HDAC9: variants seen among roughly 807,000 people sequenced by gnomAD.
HDAC9 encodes the protein histone deacetylase 9.
HDAC9 carries 41 observed loss-of-function variants against 139.4 expected under a neutral mutation model. The observed-to-expected ratio is 0.29, with a 90% CI of 0.23 to 0.38. The LOEUF is 0.38. HDAC9 is among the 10% of genes least tolerant of loss of function. HDAC9 has a pLI of 1.00. For missense variants in HDAC9, 1,147 were observed against 1,297.0 expected (o/e 0.88, Z 1.78); for synonymous variants, 517 against 476.2 (o/e 1.09, Z -1.12).
chr7:18,708,824 T>C (rs190436806), intron 12 of HDAC9, among the ~76,000 whole-genome samples: 146 of 152,218 alleles, frequency 9.6e-4, no homozygotes, highest in Admixed American at 2.8e-3. Context: ...ACACAGTTTC[T>C]TATCATATGT....
At chr7:18,859,811 CATATATATATATATATATATATAT>C (rs56249427) in intron 21 of HDAC9, among the ~76,000 whole-genome samples, 24 of 44,844 alleles carry the variant, frequency 5.4e-4, no homozygotes, top group Middle Eastern at 0.012. Flanking sequence ...CTAACGCTCT[CATATATATATATATATATATATAT>C]ATATATATAT....
At chr7:18,330,673 G>C (rs1800851888) in intron 1 of HDAC9, among the ~76,000 whole-genome samples, 2 of 150,840 alleles carry the variant, frequency 1.3e-5, no homozygotes, top group South Asian at 4.2e-4. Context: ...CTTTTGGTTT[G>C]TTACCTTATA....
At position 18,997,524 on chromosome 7, in the gene HDAC9, G is replaced by A. The variant is rs1786535778; in HGVS notation, c.*1462G>A. ...TTAATATCTGACAATGCTTTTGAAA[G>A]AGTTGATGTTTCTTTTTATATATTT... is the stretch of plus-strand genomic sequence containing the variant. On this transcript the variant is annotated 3_prime_UTR_variant, in exon 26 of 26. Transcript: ENST00000686413. 1 of 152,078 alleles carries A rather than the reference G, an allele frequency of 6.6e-6. No individual in the cohort carries two copies. The highest frequency in any genetic ancestry group is 2.1e-4 in the South Asian group (1 of 4,828). 9.4% of individuals were successfully genotyped at this position (152,078 alleles called of 1,614,324 possible).
At chr7:18,612,087 A>G (rs1450311318) in intron 6 of HDAC9, among the ~76,000 whole-genome samples, 2 of 152,094 alleles carry the variant, frequency 1.3e-5, no homozygotes, top group Non-Finnish European at 2.9e-5. Flanking sequence ...TAATTTGCTA[A>G]TCCTATAAAG....
chr7:18,231,853 C>CT (rs1437033678), intron 2 of HDAC9, among the ~76,000 whole-genome samples: 1 of 152,132 alleles, frequency 6.6e-6, no homozygotes, highest in African/African-American at 2.4e-5. Context: ...GTAATTTTCT[C>CT]TAAGTTTTTC....
rs144620928 is a variant in HDAC9, at chr7:18,660,518, A to G, written c.1468-5695A>G. 1.4e-3 allele frequency among the ~76,000 whole-genome samples: 220 copies of G among 152,302 alleles called. 1 individual carries two copies. The highest frequency in any genetic ancestry group is 5.0e-3 in the African/African-American group (208 of 41,580). Reference sequence around the variant, plus strand: ...GCTCCAATTAGGTGTTATGCAATGTATCAGGTACTAGGATATAAAATGATG... The same window carrying G: ...GCTCCAATTAGGTGTTATGCAATGTGTCAGGTACTAGGATATAAAATGATG... On this transcript the variant is annotated intron_variant, in intron 11 of 25. Coordinates refer to ENST00000686413, the MANE Select transcript of HDAC9 (RefSeq NM_178425.4).
intron 2 of HDAC9, among the ~76,000 whole-genome samples, chr7:18,205,757 C>T (rs1314288399): frequency 6.6e-6 from 1 of 151,976 alleles, no homozygotes; most frequent in Non-Finnish European, 1.5e-5. Context: ...ATGTTAAATA[C>T]TGGTTAGAAA....
At chr7:18,605,547 G>A (rs1399371717) in intron 6 of HDAC9, among the ~76,000 whole-genome samples, 5 of 151,918 alleles carry the variant, frequency 3.3e-5, no homozygotes, top group South Asian at 2.1e-4. Flanking sequence ...CCTCTCCCAC[G>A]CCTACTCCCT....
intron 2 of HDAC9, among the ~76,000 whole-genome samples, chr7:18,180,462 G>A (rs1362091763): frequency 6.6e-6 from 1 of 151,840 alleles, no homozygotes; most frequent in Non-Finnish European, 1.5e-5. Context: ...ATGAGTATGA[G>A]AGATTGATCA....
At position 18,762,338 on chromosome 7, in the gene HDAC9, C is replaced by G. The variant is rs553562933; in HGVS notation, c.2164+61C>G. 18 of 1,580,210 alleles carry G rather than the reference C, an allele frequency of 1.1e-5. No individual in the cohort carries two copies. In the South Asian group the frequency reaches 2.1e-4, roughly 18 times the overall value. On this transcript the variant is annotated intron_variant, in intron 15 of 25. Coordinates refer to ENST00000686413, the MANE Select transcript of HDAC9 (RefSeq NM_178425.4). Reference sequence around the variant, plus strand: ...ATTCCAGCACTATCATTAGTCAACGCTGGTGTCAGTTCAAAATACTTGGCA... The same window carrying G: ...ATTCCAGCACTATCATTAGTCAACGGTGGTGTCAGTTCAAAATACTTGGCA...
chr7:18,570,515 G>A (rs539980144), intron 2 of HDAC9, among the ~76,000 whole-genome samples: 3 of 152,266 alleles, frequency 2.0e-5, no homozygotes, highest in African/African-American at 7.2e-5. Flanking sequence ...GCATACTCCA[G>A]AATGAAATGT....
intron 2 of HDAC9, among the ~76,000 whole-genome samples, chr7:18,183,022 T>A (rs1054009956): frequency 6.6e-6 from 1 of 151,548 alleles, no homozygotes; most frequent in Admixed American, 6.6e-5. Context: ...TTTTTTTTTT[T>A]TTTTTGAGAC....
intron 14 of HDAC9, among the ~76,000 whole-genome samples, chr7:18,757,567 T>A (rs212672): frequency 0.38 from 57,518 of 152,024 alleles, 13,248 homozygotes; most frequent in East Asian, 0.66. Flanking sequence ...TCATGATTTT[T>A]TGCCCTTTAT....
intron 21 of HDAC9, among the ~76,000 whole-genome samples, chr7:18,851,017 G>T (rs1465534878): frequency 6.6e-6 from 1 of 152,126 alleles, no homozygotes; most frequent in African/African-American, 2.4e-5. Flanking sequence ...GAATTTATAG[G>T]GGACACATTT....
At chr7:18,270,171 C>G (rs1357124696) in intron 2 of HDAC9, among the ~76,000 whole-genome samples, 1 of 152,018 alleles carries the variant, frequency 6.6e-6, no homozygotes, top group Non-Finnish European at 1.5e-5. Flanking sequence ...TTGTTGAAAT[C>G]CACTGTAATA....
intron 14 of HDAC9, among the ~76,000 whole-genome samples, chr7:18,753,264 T>C (rs1442550785): frequency 2.6e-5 from 4 of 152,106 alleles, no homozygotes; most frequent in Admixed American, 2.0e-4. Context: ...AAGACTCTTA[T>C]TGATTGTGCT....
intron 6 of HDAC9, among the ~76,000 whole-genome samples, chr7:18,604,170 G>T (rs1426008574): frequency 6.6e-6 from 1 of 151,578 alleles, no homozygotes; most frequent in Non-Finnish European, 1.5e-5. Flanking sequence ...CATTAATTTT[G>T]GATAATTCCC....
chr7:18,158,887 CT>C (rs1157604562), intron 1 of HDAC9, among the ~76,000 whole-genome samples: 4 of 152,186 alleles, frequency 2.6e-5, no homozygotes, highest in African/African-American at 9.7e-5. Flanking sequence ...ATGTCACTGT[CT>C]TGAGTTGTTG....
intron 2 of HDAC9, among the ~76,000 whole-genome samples, chr7:18,247,339 C>G: frequency 6.6e-6 from 1 of 151,508 alleles, no homozygotes; most frequent in East Asian, 1.9e-4. Flanking sequence ...GTGAGGGGCA[C>G]AGAAAAAAAC....
Sources: allele counts gnomAD v4.1 joint callset (sites outside exome capture counted in the v4.1 genomes callset), GRCh38; gene constraint gnomAD v4.1.1; transcripts MANE v1.5; gene names NCBI Gene and HGNC (gene_info 2026-07-23, HGNC 2026-07-21).